Variants in PTK2 observed in about 807,000 individuals in gnomAD.
PTK2 encodes the protein protein tyrosine kinase 2.
Under a neutral mutation model 150.1 loss-of-function variants are expected in PTK2, and 45 were observed. The ratio of observed to expected loss-of-function variants is 0.30; its 90% confidence interval spans 0.24 to 0.38. The LOEUF is 0.38. Among genes scored for constraint, PTK2 ranks in the 10% least tolerant of loss-of-function variants. The pLI, the probability that PTK2 is intolerant of heterozygous loss-of-function variation, is 1.00. For missense variants in PTK2, 919 were observed against 1,307.3 expected, an observed-to-expected ratio of 0.70 and a Z score of 4.58; for synonymous variants, 432 against 449.2, an observed-to-expected ratio of 0.96 and a Z score of 0.48.
chr8:140,707,019 AT>A (rs2100034203), intron 23 of PTK2, among the ~76,000 whole-genome samples: 1 of 152,248 alleles, frequency 6.6e-6, no homozygotes, highest in Non-Finnish European at 1.5e-5. Context: ...ATTATTTGTA[AT>A]TAAAGGGAAT....
chr8:140,965,089 T>A (rs727944), intron 1 of PTK2, among the ~76,000 whole-genome samples: 63,460 of 152,000 alleles, frequency 0.42, 15,170 homozygotes, highest in Non-Finnish European at 0.55. Context: ...GAAACCTGAT[T>A]TCTATTGTTT....
At chr8:140,751,366 A>T (rs1357623787) in intron 17 of PTK2, among the ~76,000 whole-genome samples, 1 of 151,932 alleles carries the variant, frequency 6.6e-6, no homozygotes. Context: ...TTTCATAGAG[A>T]CGGGGTTTCA....
At chr8:140,662,946 G>A (rs1271894110) in intron 31 of PTK2, 5 of 420,726 alleles carry the variant, frequency 1.2e-5, no homozygotes, top group Non-Finnish European at 1.7e-5. Context: ...AGCTGTTTCA[G>A]ATGAAAGGAG....
intron 4 of PTK2, among the ~76,000 whole-genome samples, chr8:140,866,052 G>A (rs914866272): frequency 5.3e-5 from 8 of 152,166 alleles, no homozygotes; most frequent in African/African-American, 1.7e-4. Flanking sequence ...GCCTCCCGAA[G>A]TGCTGAGATT....
At chr8:140,694,081 C>CCCAGGCTGGAGT (rs1330178280) in intron 26 of PTK2, among the ~76,000 whole-genome samples, 50 of 149,716 alleles carry the variant, frequency 3.3e-4, no homozygotes, top group Non-Finnish European at 6.5e-4. Flanking sequence ...CGCTCTGTCG[C>CCCAGGCTGGAGT]CCAGGCTGGA....
At chr8:140,830,015 C>T (rs144019466) in intron 8 of PTK2, among the ~76,000 whole-genome samples, 152 of 152,164 alleles carry the variant, frequency 1.0e-3, no homozygotes, top group African/African-American at 3.5e-3. Flanking sequence ...GCTACTAATG[C>T]GGGGAAGCAT....
rs73369961 is a variant in PTK2, at chr8:140,740,135, T to C, written c.1736-1028A>G. On this transcript the variant is annotated intron_variant, in intron 20 of 31. Transcript: ENST00000522684. ...CACAAAGGCAAACCACTCAAAACCTTAGTAAACATTTCCTCAACTGCTGAG... is the reference window on the plus strand; with the variant it reads ...CACAAAGGCAAACCACTCAAAACCTCAGTAAACATTTCCTCAACTGCTGAG... 4.2e-3 allele frequency among the ~76,000 whole-genome samples: 639 copies of C among 152,272 alleles called. 9 individuals are homozygous for C. The highest frequency in any genetic ancestry group is 0.015 in the African/African-American group (608 of 41,562).
At chr8:140,772,083 C>T (rs2100075818) in intron 14 of PTK2, among the ~76,000 whole-genome samples, 1 of 152,116 alleles carries the variant, frequency 6.6e-6, no homozygotes, top group Non-Finnish European at 1.5e-5. Flanking sequence ...GCCACCGCGC[C>T]CGGCCGATCC....
chr8:140,968,841 G>T (rs565047810), intron 1 of PTK2, among the ~76,000 whole-genome samples: 36 of 152,238 alleles, frequency 2.4e-4, no homozygotes, highest in Middle Eastern at 3.4e-3. Context: ...CCAAAAAAAG[G>T]ATCTATCTAT....
chr8:140,921,485 T>G (rs759279691), intron 2 of PTK2, among the ~76,000 whole-genome samples: 2 of 152,212 alleles, frequency 1.3e-5, no homozygotes, highest in Non-Finnish European at 2.9e-5. Context: ...CTTTATGACC[T>G]TAGAGTTAAA....
intron 1 of PTK2, among the ~76,000 whole-genome samples, chr8:140,992,723 A>C (rs751453922): frequency 6.6e-6 from 1 of 152,172 alleles, no homozygotes; most frequent in Non-Finnish European, 1.5e-5. Context: ...CAAACTGCAA[A>C]ATCTCAGGGA....
At chr8:140,981,234 A>G (rs998476023) in intron 1 of PTK2, among the ~76,000 whole-genome samples, 1 of 152,326 alleles carries the variant, frequency 6.6e-6, no homozygotes, top group South Asian at 2.1e-4. Context: ...AGAGAGAAAG[A>G]AACTAAAAAG....
chr8:140,843,931 G>A (rs1312042224), intron 7 of PTK2, among the ~76,000 whole-genome samples: 1 of 151,706 alleles, frequency 6.6e-6, no homozygotes, highest in Non-Finnish European at 1.5e-5. Context: ...ACATCATATG[G>A]AGGACACCAC....
rs2100148035 is a variant in PTK2, at chr8:140,879,705, AAAC to A, written c.196-71_196-69del. ...AAAAAAAAAAAAAAAAAAAAAACCAAAACAAAACAAAAACAAAACAAAAAAAAA... is the reference window on the plus strand; with the variant it reads ...AAAAAAAAAAAAAAAAAAAAAACCAAAAAACAAAAACAAAACAAAAAAAAA... On this transcript the variant is annotated intron_variant, in intron 3 of 31. Transcript: ENST00000522684. 1.8e-5 allele frequency: 20 copies of A among 1,119,796 alleles called. No homozygotes were observed. In the African/African-American group the frequency reaches 3.0e-4, roughly 17 times the overall value. The allele number at this position is 1,119,796 out of a possible 1,614,324, so 69.4% of individuals were successfully genotyped here.
intron 5 of PTK2, among the ~76,000 whole-genome samples, chr8:140,851,995 ACAC>A: frequency 6.6e-6 from 1 of 152,284 alleles, no homozygotes; most frequent in South Asian, 2.1e-4. Context: ...GTGTGCACAC[ACAC>A]AATCTGATTT....
In PTK2 at chr8:140,882,928, T is replaced by G. The variant is rs558236567; in HGVS notation, c.196-3291A>C. Among the ~76,000 whole-genome samples the G allele has an allele frequency of 2.0e-5, 3 of 152,310 alleles. No individual in the cohort carries two copies. In the East Asian group the frequency reaches 5.8e-4, roughly 29 times the overall value. The stretch of plus-strand genomic sequence containing the variant: ...CAGAGTATCATTTATCTCACATTAA[T>G]GAATAAAATTAATCTTATGATGATC... On this transcript the variant is annotated intron_variant, in intron 3 of 31. Transcript: ENST00000522684.
intron 7 of PTK2, among the ~76,000 whole-genome samples, chr8:140,840,640 C>T (rs1368532753): frequency 1.3e-5 from 2 of 151,882 alleles, no homozygotes; most frequent in Non-Finnish European, 2.9e-5. Context: ...TAAATTTCAA[C>T]GTAATTACAG....
intron 14 of PTK2, among the ~76,000 whole-genome samples, chr8:140,768,244 T>C (rs976669760): frequency 6.6e-6 from 1 of 152,182 alleles, no homozygotes; most frequent in African/African-American, 2.4e-5. Flanking sequence ...AGGTGGGCCA[T>C]ATTTGGTCCA....
At chr8:140,779,961 C>T (rs1250033428) in intron 14 of PTK2, among the ~76,000 whole-genome samples, 1 of 152,104 alleles carries the variant, frequency 6.6e-6, no homozygotes, top group Non-Finnish European at 1.5e-5. Flanking sequence ...GGGGAACCTC[C>T]TATTCCAACA....
Sources: allele counts gnomAD v4.1 joint callset (sites outside exome capture counted in the v4.1 genomes callset), GRCh38; gene constraint gnomAD v4.1.1; transcripts MANE v1.5; gene names NCBI Gene and HGNC (gene_info 2026-07-23, HGNC 2026-07-21).